GPC6: variants seen among roughly 807,000 people sequenced by gnomAD.
The protein encoded by GPC6 is glypican 6, also known as glypican-6.
A neutral mutation model predicts 55.2 loss-of-function variants in GPC6; 14 were observed. The ratio of observed to expected loss-of-function variants is 0.25; its 90% confidence interval spans 0.17 to 0.40. GPC6 has a LOEUF of 0.40. Among genes scored for constraint, GPC6 ranks in the 10% least tolerant of loss-of-function variants. The pLI, the probability that GPC6 is intolerant of heterozygous loss-of-function variation, is 1.00. For synonymous variants in GPC6, 278 were observed against 259.6 expected (o/e 1.07, Z -0.68); for missense variants, 641 against 708.5 (o/e 0.90, Z 1.08).
rs1055475917 is a variant in GPC6 at position 94,022,078 on chromosome 13, C to T, written c.712-5651C>T. Among the ~76,000 whole-genome samples the T allele has an allele frequency of 5.9e-5, 9 of 152,120 alleles. No individual in the cohort carries two copies. The South Asian group carries it at 1.9e-3, about 32-fold the overall frequency. ...ATATACCCATCATCTTACCCAGTCA[C>T]CCATCCCCTCTCAGAGAATCGCTGT... On this transcript the variant is annotated intron_variant, in intron 3 of 8. Coordinates refer to ENST00000377047, the MANE Select transcript of GPC6 (RefSeq NM_005708.5).
At chr13:94,235,334 T>C (rs550537620) in intron 4 of GPC6, among the ~76,000 whole-genome samples, 2 of 152,218 alleles carry the variant, frequency 1.3e-5, no homozygotes, top group South Asian at 4.2e-4. Context: ...CAACAGGACA[T>C]TTCAGAATAT....
intron 1 of GPC6, among the ~76,000 whole-genome samples, chr13:93,541,314 A>C (rs1882289474): frequency 7.0e-6 from 1 of 143,278 alleles, no homozygotes; most frequent in Non-Finnish European, 1.5e-5. Context: ...ACTGAGAATG[A>C]TGATTTCCAA....
At chr13:93,660,144 C>T (rs971395688) in intron 2 of GPC6, among the ~76,000 whole-genome samples, 15 of 152,002 alleles carry the variant, frequency 9.9e-5, no homozygotes, top group African/African-American at 3.4e-4. Context: ...AATAAAGTCT[C>T]CTAATCTGGA....
intron 1 of GPC6, among the ~76,000 whole-genome samples, chr13:93,229,453 T>C (rs919679167): frequency 1.3e-5 from 2 of 152,212 alleles, no homozygotes; most frequent in African/African-American, 4.8e-5. Context: ...CGGTATTCTT[T>C]AGAGGATAAT....
intron 4 of GPC6, among the ~76,000 whole-genome samples, chr13:94,265,511 G>A (rs1180832443): frequency 6.6e-6 from 1 of 152,098 alleles, no homozygotes; most frequent in Admixed American, 6.5e-5. Context: ...GCCTTTCCCA[G>A]TCCACTGACT....
At chr13:93,688,676 C>T (rs1365997488) in intron 2 of GPC6, among the ~76,000 whole-genome samples, 4 of 151,974 alleles carry the variant, frequency 2.6e-5, no homozygotes, top group African/African-American at 9.7e-5. Flanking sequence ...CATAAAGAGA[C>T]AACAATTGCA....
intron 1 of GPC6, among the ~76,000 whole-genome samples, chr13:93,365,410 C>T (rs1269691335): frequency 6.6e-6 from 1 of 152,106 alleles, no homozygotes; most frequent in Non-Finnish European, 1.5e-5. Flanking sequence ...TGACCATAGT[C>T]AGATATTTTG....
At chr13:93,868,779 G>A (rs1889044693) in intron 3 of GPC6, among the ~76,000 whole-genome samples, 1 of 151,822 alleles carries the variant, frequency 6.6e-6, no homozygotes, top group African/African-American at 2.4e-5. Flanking sequence ...AAAGAAAATG[G>A]ATTGATGTCA....
chr13:93,979,509 G>A (rs1009781323), intron 3 of GPC6, among the ~76,000 whole-genome samples: 1 of 151,562 alleles, frequency 6.6e-6, no homozygotes, highest in Admixed American at 6.6e-5. Context: ...TACCCAGAGT[G>A]GTCTATAATT....
At chr13:94,296,204 C>T (rs925702055) in intron 5 of GPC6, among the ~76,000 whole-genome samples, 25 of 152,238 alleles carry the variant, frequency 1.6e-4, no homozygotes, top group African/African-American at 6.0e-4. Flanking sequence ...ACTTTCCTTG[C>T]ATGTAAAAGG....
At chr13:93,664,223 A>G (rs1881041868) in intron 2 of GPC6, among the ~76,000 whole-genome samples, 1 of 152,080 alleles carries the variant, frequency 6.6e-6, no homozygotes, top group Non-Finnish European at 1.5e-5. Context: ...CAATTCTCAA[A>G]CTCCATATAT....
chr13:93,653,424 T>C (rs73543559), intron 2 of GPC6, among the ~76,000 whole-genome samples: 8,143 of 152,182 alleles, frequency 0.054, 746 homozygotes, highest in African/African-American at 0.19. Flanking sequence ...AAACGTTAAG[T>C]ATGTAAATGA....
At chr13:93,711,545 T>G (rs528678084) in intron 2 of GPC6, among the ~76,000 whole-genome samples, 6 of 151,634 alleles carry the variant, frequency 4.0e-5, no homozygotes, top group South Asian at 2.1e-4. Flanking sequence ...ATAGATAAAA[T>G]CAGACATAAA....
At chr13:93,876,180 TGCTTC>T (rs1889288587) in intron 3 of GPC6, among the ~76,000 whole-genome samples, 1 of 100,988 alleles carries the variant, frequency 9.9e-6, no homozygotes, top group Non-Finnish European at 2.7e-5. Context: ...TTTTGTGCAT[TGCTTC>T]ATATAATAAA....
chr13:93,726,151 C>CACACACACAT (rs1883632022), intron 2 of GPC6, among the ~76,000 whole-genome samples: 2 of 135,694 alleles, frequency 1.5e-5, no homozygotes, highest in African/African-American at 5.5e-5. Context: ...CACACACACA[C>CACACACACAT]ATATCAAGCA....
chr13:93,322,090 G>T (rs74319788), intron 1 of GPC6, among the ~76,000 whole-genome samples: 4,884 of 152,124 alleles, frequency 0.032, 239 homozygotes, highest in African/African-American at 0.1. Flanking sequence ...GCCCCAAATT[G>T]TTATTATTAG....
rs577409222 is a variant in GPC6 at position 93,648,477 on chromosome 13, G to A, written c.319+103056G>A. 8.5e-5 allele frequency among the ~76,000 whole-genome samples: 13 copies of A among 152,254 alleles called. No individual in the cohort carries two copies. In the South Asian group the frequency reaches 2.7e-3, roughly 32 times the overall value. ...ATACATCCTGGAATGGGAGATTTGT[G>A]ATCATATTTGGCCTTACTTATCTAA... On this transcript the variant is annotated intron_variant, in intron 2 of 8. Transcript: ENST00000377047.
rs188423206 is a variant in GPC6 at position 93,847,586 on chromosome 13, G to A, written c.711+17041G>A. Among the ~76,000 whole-genome samples, 256 of 152,182 alleles carry A rather than the reference G, an allele frequency of 1.7e-3. 2 individuals are homozygous for A. The highest frequency in any genetic ancestry group is 5.6e-3 in the African/African-American group (233 of 41,534). ...TAAAAAATATGAAATTACAATTTTA[G>A]TGAATTATTACTTGGGTGCATACGG... is the stretch of plus-strand genomic sequence containing the variant. On this transcript the variant is annotated intron_variant, in intron 3 of 8. Coordinates refer to ENST00000377047, the MANE Select transcript of GPC6 (RefSeq NM_005708.5).
intron 2 of GPC6, among the ~76,000 whole-genome samples, chr13:93,590,060 A>G (rs2139505358): frequency 6.6e-6 from 1 of 152,346 alleles, no homozygotes; most frequent in South Asian, 2.1e-4. Context: ...CCTAGAATTG[A>G]AATAATTAAT....
Sources: allele counts gnomAD v4.1 joint callset (sites outside exome capture counted in the v4.1 genomes callset), GRCh38; gene constraint gnomAD v4.1.1; transcripts MANE v1.5; gene names NCBI Gene and HGNC (gene_info 2026-07-23, HGNC 2026-07-21).